The following GRM5 variants were observed in gnomAD, a reference collection of about 807,000 sequenced individuals.
The protein encoded by GRM5 is metabotropic glutamate receptor 5.
Under a neutral mutation model 83.1 loss-of-function variants are expected in GRM5, and 19 were observed. That is an observed-to-expected ratio of 0.23 (90% CI 0.16 to 0.34). The LOEUF (loss-of-function observed/expected upper bound fraction) is 0.34. Among genes scored for constraint, GRM5 ranks in the 10% least tolerant of loss-of-function variants. GRM5 has a pLI of 1.00. For synonymous variants in GRM5, 675 were observed against 633.6 expected (o/e 1.07, Z -0.98); for missense variants, 1,160 against 1,588.3 (o/e 0.73, Z 4.58).
At chr11:88,585,174 T>A (rs1943287858) in intron 7 of GRM5, among the ~76,000 whole-genome samples, 1 of 152,206 alleles carries the variant, frequency 6.6e-6, no homozygotes, top group South Asian at 2.1e-4. Context: ...CTACAACTCT[T>A]CATTTTACAT....
chr11:88,985,884 T>A (rs492612), intron 2 of GRM5, among the ~76,000 whole-genome samples: 6 of 151,884 alleles, frequency 4.0e-5, no homozygotes, highest in African/African-American at 1.2e-4. Flanking sequence ...AAAATTACAA[T>A]ATCAATCATT....
At chr11:89,052,510 G>A (rs927769261) in intron 1 of GRM5, among the ~76,000 whole-genome samples, 1 of 152,144 alleles carries the variant, frequency 6.6e-6, no homozygotes, top group African/African-American at 2.4e-5. Flanking sequence ...TCACATGGAA[G>A]ATACTATATT....
At chr11:88,994,727 G>GT (rs1458056418) in intron 2 of GRM5, among the ~76,000 whole-genome samples, 2 of 145,986 alleles carry the variant, frequency 1.4e-5, no homozygotes, top group Admixed American at 6.8e-5. Context: ...GTTTTGTTTT[G>GT]TTTTTTTACA....
At chr11:88,670,793 A>G (rs998507394) in intron 3 of GRM5, among the ~76,000 whole-genome samples, 65 of 152,106 alleles carry the variant, frequency 4.3e-4, no homozygotes, top group African/African-American at 1.5e-3. Context: ...GTTAAAAACG[A>G]TCGACATAGT....
intron 9 of GRM5, among the ~76,000 whole-genome samples, chr11:88,519,412 C>A (rs1941616390): frequency 6.7e-6 from 1 of 149,340 alleles, no homozygotes; most frequent in African/African-American, 2.5e-5. Flanking sequence ...ATTCTGAGTG[C>A]ATGAGTTCGT....
intron 3 of GRM5, among the ~76,000 whole-genome samples, chr11:88,677,919 G>T (rs1940377015): frequency 6.6e-6 from 1 of 151,870 alleles, no homozygotes; most frequent in South Asian, 2.1e-4. Flanking sequence ...CAGATAATTA[G>T]TTACCAACAG....
At chr11:89,050,008 C>T (rs1210430625) in intron 1 of GRM5, among the ~76,000 whole-genome samples, 5 of 152,252 alleles carry the variant, frequency 3.3e-5, no homozygotes, top group Admixed American at 6.5e-5. Flanking sequence ...TAACAAAACA[C>T]GACTCATTTT....
At position 88,859,477 on chromosome 11, in the gene GRM5, T is replaced by G. The variant is rs199856679; in HGVS notation, c.662-9322A>C. On this transcript the variant is annotated intron_variant, in intron 2 of 9. Transcript: ENST00000305447. ...GGTTAATAATAATATGAACAAATTA[T>G]TGCACTATTCACTCCAAATGTGTTA... Among the ~76,000 whole-genome samples the G allele has an allele frequency of 2.6e-5, 4 of 152,220 alleles. No individual in the cohort carries two copies. In the East Asian group the frequency reaches 7.7e-4, roughly 29 times the overall value.
chr11:88,764,955 T>C (rs1268151034), intron 3 of GRM5, among the ~76,000 whole-genome samples: 2 of 151,404 alleles, frequency 1.3e-5, no homozygotes, highest in East Asian at 3.9e-4. Context: ...TGATAACTTT[T>C]AGGTAGATGG....
At chr11:89,017,957 C>T (rs1940899836) in intron 2 of GRM5, among the ~76,000 whole-genome samples, 1 of 152,076 alleles carries the variant, frequency 6.6e-6, no homozygotes, top group Non-Finnish European at 1.5e-5. Flanking sequence ...CTCCCTCCTA[C>T]TCTTTCAGTT....
At chr11:88,933,533 A>G (rs541607550) in intron 2 of GRM5, among the ~76,000 whole-genome samples, 8 of 151,998 alleles carry the variant, frequency 5.3e-5, no homozygotes, top group Non-Finnish European at 7.4e-5. Context: ...TCAATTTTTA[A>G]AAGTTTAAAT....
chr11:88,637,268 C>A (rs1939156551), intron 4 of GRM5, among the ~76,000 whole-genome samples: 1 of 152,102 alleles, frequency 6.6e-6, no homozygotes, highest in East Asian at 1.9e-4. Context: ...TCCAAAACAC[C>A]AAAAGCAATG....
intron 3 of GRM5, among the ~76,000 whole-genome samples, chr11:88,829,279 G>A (rs1943946237): frequency 6.6e-6 from 1 of 152,126 alleles, no homozygotes; most frequent in African/African-American, 2.4e-5. Context: ...TGGCCAATGT[G>A]GCAAAACCCT....
At chr11:88,546,525 T>G (rs1942388606) in intron 8 of GRM5, among the ~76,000 whole-genome samples, 1 of 152,168 alleles carries the variant, frequency 6.6e-6, no homozygotes, top group Non-Finnish European at 1.5e-5. Context: ...GTTAAAACTT[T>G]TGTTGCAGTT....
intron 2 of GRM5, among the ~76,000 whole-genome samples, chr11:89,021,986 T>A (rs990787384): frequency 5.3e-5 from 8 of 152,154 alleles, no homozygotes; most frequent in African/African-American, 1.9e-4. Context: ...ACATGAGAAT[T>A]TGAGATGATA....
At chr11:88,699,176 A>G (rs1268787601) in intron 3 of GRM5, among the ~76,000 whole-genome samples, 2 of 152,198 alleles carry the variant, frequency 1.3e-5, no homozygotes, top group Non-Finnish European at 2.9e-5. Context: ...GGGAATGACA[A>G]TGTGTTCTAT....
At chr11:88,865,793 A>G (rs990912574) in intron 2 of GRM5, among the ~76,000 whole-genome samples, 14 of 152,208 alleles carry the variant, frequency 9.2e-5, no homozygotes, top group African/African-American at 3.4e-4. Context: ...TGCAGCCAAC[A>G]AACATATGAA....
Position 88,688,135 on chromosome 11 carries a change from T to A in GRM5, c.912-34732A>T, listed in dbSNP as rs549483211. 3.8e-4 allele frequency among the ~76,000 whole-genome samples: 58 copies of A among 152,284 alleles called. 1 individual carries two copies. In the South Asian group the frequency reaches 0.011, roughly 28 times the overall value. On this transcript the variant is annotated intron_variant, in intron 3 of 9. Coordinates refer to ENST00000305447, the MANE Select transcript of GRM5 (RefSeq NM_001143831.3). ...TGAGGAGAGCAGTGACAAGTGTGAT[T>A]ATAGTCCTGTAAAAGTGAAGCTCTA...
chr11:88,824,075 C>T (rs921145408), intron 3 of GRM5, among the ~76,000 whole-genome samples: 11 of 152,116 alleles, frequency 7.2e-5, no homozygotes, highest in African/African-American at 2.7e-4. Context: ...TTAGTTACTA[C>T]TTGTCCATTT....
Sources: gnomAD v4.1 joint callset for allele counts (sites outside exome capture counted in the v4.1 genomes callset) on GRCh38, gnomAD v4.1.1 for gene constraint, MANE v1.5 for transcripts, NCBI Gene and HGNC (gene_info 2026-07-23, HGNC 2026-07-21) for gene names.